NRXN3: variants seen among roughly 807,000 people sequenced by gnomAD.
The protein encoded by NRXN3 is neurexin III.
Under a neutral mutation model 137.6 loss-of-function variants are expected in NRXN3, and 32 were observed. The ratio of observed to expected loss-of-function variants is 0.23; its 90% CI spans 0.18 to 0.31. NRXN3 has a LOEUF of 0.31. Among genes scored for constraint, NRXN3 ranks in the 10% least tolerant of loss-of-function variants. The probability of loss-of-function intolerance (pLI) is 1.00; values close to 1 mark genes in which losing one functional copy is unlikely to be tolerated. For synonymous variants in NRXN3, 798 were observed against 784.5 expected, an observed-to-expected ratio of 1.02 and a Z score of -0.29; for missense variants, 1,574 against 2,062.5, an observed-to-expected ratio of 0.76 and a Z score of 4.59.
At chr14:79,425,583 GC>G (rs2095643886) in intron 15 of NRXN3, among the ~76,000 whole-genome samples, 1 of 152,054 alleles carries the variant, frequency 6.6e-6, no homozygotes, top group African/African-American at 2.4e-5. Context: ...CTATGAATTA[GC>G]AATTATTATC....
At chr14:79,019,864 CAGGACTGTA>C (rs1351624267) in intron 15 of NRXN3, among the ~76,000 whole-genome samples, 10 of 151,948 alleles carry the variant, frequency 6.6e-5, no homozygotes, top group Non-Finnish European at 1.3e-4. Flanking sequence ...GAAACCAAGA[CAGGACTGTA>C]ACCAGAGAGA....
rs868763805 is a variant in NRXN3, at chr14:78,297,937, A to T, written c.757+77A>T. ...TGCCTCTGGCTGGTCACAGAGCCTCATCGTCACTGGCAGGCCATTCGCTGC... is the reference window on the plus strand; with the variant it reads ...TGCCTCTGGCTGGTCACAGAGCCTCTTCGTCACTGGCAGGCCATTCGCTGC... On this transcript the variant is annotated intron_variant, in intron 4 of 20. Transcript: ENST00000335750. 97 of 1,510,514 alleles carry T rather than the reference A, an allele frequency of 6.4e-5. No homozygotes were observed. In the Middle Eastern group the frequency reaches 2.7e-3, roughly 42 times the overall value. 93.6% of individuals were successfully genotyped at this position (1,510,514 alleles called of 1,614,324 possible).
At chr14:79,373,754 A>G (rs1398587273) in intron 15 of NRXN3, among the ~76,000 whole-genome samples, 3 of 152,204 alleles carry the variant, frequency 2.0e-5, no homozygotes, top group Non-Finnish European at 2.9e-5. Flanking sequence ...ATACTCGAAA[A>G]GCAGTATTTA....
At chr14:79,401,040 G>A (rs1362531603) in intron 15 of NRXN3, among the ~76,000 whole-genome samples, 2 of 152,174 alleles carry the variant, frequency 1.3e-5, no homozygotes, top group African/African-American at 4.8e-5. Flanking sequence ...TTAGGTGCAG[G>A]AACACACAGG....
intron 15 of NRXN3, among the ~76,000 whole-genome samples, chr14:79,173,978 T>C (rs957040084): frequency 3.3e-5 from 5 of 152,230 alleles, no homozygotes; most frequent in African/African-American, 1.2e-4. Flanking sequence ...ATTATGGTTA[T>C]ATATCTTTAT....
intron 4 of NRXN3, among the ~76,000 whole-genome samples, chr14:78,347,385 G>A (rs957723040): frequency 2.0e-5 from 3 of 152,142 alleles, no homozygotes; most frequent in Non-Finnish European, 4.4e-5. Context: ...CAGGCATACT[G>A]CCTGGGGCTA....
chr14:79,632,180 A>C (rs1235745288), intron 16 of NRXN3: 1 of 154,330 alleles, frequency 6.5e-6, no homozygotes, highest in African/African-American at 2.4e-5. Context: ...GAAGCCAGCC[A>C]GACCACGAAT....
At chr14:78,857,893 G>A (rs2099061915) in intron 10 of NRXN3, among the ~76,000 whole-genome samples, 1 of 152,112 alleles carries the variant, frequency 6.6e-6, no homozygotes, top group Non-Finnish European at 1.5e-5. Context: ...GTATAGTGGA[G>A]GTTACTGAAT....
chr14:79,002,950 T>C (rs1412954659), intron 15 of NRXN3, among the ~76,000 whole-genome samples: 1 of 152,208 alleles, frequency 6.6e-6, no homozygotes, highest in Non-Finnish European at 1.5e-5. Flanking sequence ...CTACCTTTAC[T>C]TAAACATCCT....
At chr14:79,691,543 A>G (rs1766241251) in intron 17 of NRXN3, among the ~76,000 whole-genome samples, 1 of 152,070 alleles carries the variant, frequency 6.6e-6, no homozygotes, top group Non-Finnish European at 1.5e-5. Flanking sequence ...AGATAGTGAT[A>G]TAAAAGCTTA....
At chr14:79,781,311 T>C (rs981978008) in intron 19 of NRXN3, among the ~76,000 whole-genome samples, 4 of 152,120 alleles carry the variant, frequency 2.6e-5, no homozygotes, top group African/African-American at 9.7e-5. Context: ...AGAATAGGTA[T>C]GAGGTAGAGA....
At chr14:78,244,916 C>G (rs1271643814) in intron 2 of NRXN3, among the ~76,000 whole-genome samples, 1 of 152,224 alleles carries the variant, frequency 6.6e-6, no homozygotes, top group South Asian at 2.1e-4. Context: ...GTTGCCCTCC[C>G]TTGCTCACCA....
intron 3 of NRXN3, among the ~76,000 whole-genome samples, chr14:78,281,185 C>A (rs377095662): frequency 6.6e-6 from 1 of 152,176 alleles, no homozygotes; most frequent in South Asian, 2.1e-4. Context: ...GTGGCCTGAG[C>A]GTGCCCGGCC....
chr14:79,420,831 A>G (rs2095565734), intron 15 of NRXN3, among the ~76,000 whole-genome samples: 1 of 152,186 alleles, frequency 6.6e-6, no homozygotes, highest in South Asian at 2.1e-4. Context: ...CAGAAGAAAT[A>G]CATTTGAATC....
chr14:78,396,187 C>T (rs1343383617), intron 4 of NRXN3, among the ~76,000 whole-genome samples: 44 of 152,020 alleles, frequency 2.9e-4, no homozygotes, highest in Admixed American at 2.8e-3. Flanking sequence ...ATGCCACACA[C>T]ACTCACACAA....
intron 19 of NRXN3, among the ~76,000 whole-genome samples, chr14:79,797,132 C>T (rs1477274865): frequency 2.6e-5 from 4 of 152,170 alleles, no homozygotes; most frequent in Admixed American, 2.6e-4. Context: ...TAAATAAAAT[C>T]ATATATTCAG....
At chr14:78,438,917 A>T (rs1226258769) in intron 4 of NRXN3, among the ~76,000 whole-genome samples, 1 of 152,022 alleles carries the variant, frequency 6.6e-6, no homozygotes, top group Non-Finnish European at 1.5e-5. Context: ...CATAGACTTG[A>T]CAAGCTGGAC....
intron 15 of NRXN3, among the ~76,000 whole-genome samples, chr14:79,340,234 C>A (rs1255927560): frequency 2.0e-5 from 3 of 151,350 alleles, no homozygotes; most frequent in Admixed American, 1.3e-4. Flanking sequence ...ATAGACATTT[C>A]GTTGGAGGAG....
intron 1 of NRXN3, among the ~76,000 whole-genome samples, chr14:78,213,597 T>C (rs1334727635): frequency 3.3e-5 from 5 of 152,178 alleles, no homozygotes; most frequent in Non-Finnish European, 7.3e-5. Context: ...TTGGCATGAG[T>C]ACTCCAATGT....
Sources: gnomAD v4.1 joint callset for allele counts (sites outside exome capture counted in the v4.1 genomes callset) on GRCh38, gnomAD v4.1.1 for gene constraint, MANE v1.5 for transcripts, NCBI Gene and HGNC (gene_info 2026-07-23, HGNC 2026-07-21) for gene names.